Variants in RGS17 observed in about 807,000 individuals in gnomAD.
The protein encoded by RGS17 is regulator of G protein signaling 17, also known as regulator of G-protein signaling 17.
In RGS17, 12 loss-of-function variants were observed where a neutral mutation model predicts 25.5. The observed-to-expected ratio is 0.47, with a 90% CI of 0.30 to 0.76. The LOEUF is 0.76. Ranked by LOEUF, RGS17 falls within the 30% of genes least tolerant of loss-of-function variation. The pLI, the probability that RGS17 is intolerant of heterozygous loss-of-function variation, is 0.07. For missense variants in RGS17, 196 were observed against 242.2 expected, an observed-to-expected ratio of 0.81 and a Z score of 1.27; for synonymous variants, 71 against 76.9, an observed-to-expected ratio of 0.92 and a Z score of 0.40.
At chr6:153,056,237 A>G (rs1358382711) in intron 1 of RGS17, among the ~76,000 whole-genome samples, 1 of 152,234 alleles carries the variant, frequency 6.6e-6, no homozygotes, top group African/African-American at 2.4e-5. Flanking sequence ...GACTAAAAGG[A>G]GGAGAGTTAA....
Position 153,098,493 on chromosome 6 carries a change from G to A in RGS17, c.-26+32631C>T, listed in dbSNP as rs370824802. ...AATACCTGCTTTTGTTTGGCACTTT[G>A]CTTGTCTCCTTCTTATATCATTATT... On this transcript the variant is annotated intron_variant, in intron 1 of 4. Coordinates refer to ENST00000206262, the MANE Select transcript of RGS17 (RefSeq NM_012419.5). Among the ~76,000 whole-genome samples, 48 of 152,228 alleles carry A rather than the reference G, an allele frequency of 3.2e-4. 7 individuals are homozygous for A. Among genetic ancestry groups the A allele is most frequent in the Admixed American group, 2.1e-3 (32 of 15,302 alleles).
At chr6:153,057,776 G>A (rs917628768) in intron 1 of RGS17, among the ~76,000 whole-genome samples, 1 of 152,134 alleles carries the variant, frequency 6.6e-6, no homozygotes, top group Non-Finnish European at 1.5e-5. Context: ...GGGGTGTTGG[G>A]ACACGACAAC....
At chr6:153,032,007 AT>A (rs1779368687) in intron 2 of RGS17, among the ~76,000 whole-genome samples, 1 of 152,208 alleles carries the variant, frequency 6.6e-6, no homozygotes, top group African/African-American at 2.4e-5. Context: ...CCTGGGAAGT[AT>A]GACTTTCTTC....
intron 1 of RGS17, among the ~76,000 whole-genome samples, chr6:153,116,380 T>A (rs1777547704): frequency 6.6e-6 from 1 of 152,090 alleles, no homozygotes. Context: ...GAGATACCAT[T>A]TCACGCCAGT....
chr6:153,037,675 C>T (rs1388264562), intron 2 of RGS17, among the ~76,000 whole-genome samples: 3 of 152,034 alleles, frequency 2.0e-5, no homozygotes, highest in Non-Finnish European at 4.4e-5. Flanking sequence ...CCACCCACCT[C>T]GGCCTCCCAA....
In RGS17 at chr6:153,031,412, T is replaced by C. The variant is rs146261179; in HGVS notation, c.120-4869A>G. On this transcript the variant is annotated intron_variant, in intron 2 of 4. Transcript: ENST00000206262. ...AGCTTTTTATTTCCACCTGAGTAAA[T>C]AGAGACTTCTCCTTTGTCATTATTA... is the stretch of plus-strand genomic sequence containing the variant. 6.3e-4 allele frequency among the ~76,000 whole-genome samples: 96 copies of C among 152,336 alleles called. 1 individual carries two copies. Among genetic ancestry groups the C allele is most frequent in the South Asian group, 1.2e-3 (6 of 4,832 alleles).
At chr6:153,026,212 A>AT (rs904320850) in intron 3 of RGS17, among the ~76,000 whole-genome samples, 17 of 152,160 alleles carry the variant, frequency 1.1e-4, no homozygotes, top group East Asian at 3.9e-4. Context: ...GACAATCTTT[A>AT]TTTTTTTTAA....
chr6:153,099,142 C>T (rs1777259573), intron 1 of RGS17, among the ~76,000 whole-genome samples: 1 of 152,132 alleles, frequency 6.6e-6, no homozygotes, highest in Non-Finnish European at 1.5e-5. Context: ...CAGTAAGATA[C>T]ACAGACACTA....
chr6:153,098,918 G>C (rs181866249), intron 1 of RGS17, among the ~76,000 whole-genome samples: 1 of 152,082 alleles, frequency 6.6e-6, no homozygotes, highest in African/African-American at 2.4e-5. Context: ...AGAAGGAACC[G>C]ACAAAAATAC....
intron 3 of RGS17, among the ~76,000 whole-genome samples, chr6:153,025,416 A>G (rs933569511): frequency 6.6e-6 from 1 of 151,972 alleles, no homozygotes; most frequent in African/African-American, 2.4e-5. Flanking sequence ...AATGACACTG[A>G]CATTGGGGAA....
intron 4 of RGS17, among the ~76,000 whole-genome samples, chr6:153,019,254 G>A (rs900968746): frequency 3.9e-5 from 6 of 152,276 alleles, no homozygotes; most frequent in African/African-American, 1.2e-4. Context: ...TAACGACAAC[G>A]CCATCACTAG....
At chr6:153,026,091 A>G (rs1779298961) in intron 3 of RGS17, among the ~76,000 whole-genome samples, 1 of 152,188 alleles carries the variant, frequency 6.6e-6, no homozygotes. Flanking sequence ...TCACTTGGAC[A>G]TTCCATATCA....
At chr6:153,035,743 G>T (rs1776232011) in intron 2 of RGS17, among the ~76,000 whole-genome samples, 1 of 152,162 alleles carries the variant, frequency 6.6e-6, no homozygotes, top group Non-Finnish European at 1.5e-5. Context: ...TGCTTTGAAT[G>T]AGTCAGGAAG....
chr6:153,044,555 C>A (rs1249579072), intron 1 of RGS17, among the ~76,000 whole-genome samples: 1 of 152,160 alleles, frequency 6.6e-6, no homozygotes, highest in Non-Finnish European at 1.5e-5. Flanking sequence ...AACACAATAT[C>A]CTTTTTGGCA....
At chr6:153,124,917 G>A (rs949689423) in intron 1 of RGS17, among the ~76,000 whole-genome samples, 2 of 152,158 alleles carry the variant, frequency 1.3e-5, no homozygotes, top group Non-Finnish European at 2.9e-5. Context: ...CATAAAATCT[G>A]TAGATTACAT....
intron 4 of RGS17, chr6:153,023,475 T>G (rs561788310): frequency 5.8e-5 from 21 of 360,432 alleles, no homozygotes; most frequent in African/African-American, 4.0e-4. Context: ...TAACCACTCT[T>G]TCACCAAATG....
At chr6:153,022,866 A>C (rs1159257459) in intron 4 of RGS17, among the ~76,000 whole-genome samples, 1 of 152,198 alleles carries the variant, frequency 6.6e-6, no homozygotes, top group Non-Finnish European at 1.5e-5. Flanking sequence ...ATCAGTAACA[A>C]ATGTGTTGAG....
In RGS17 at chr6:153,076,164, T is replaced by A. The variant is rs6927659; in HGVS notation, c.-25-32121A>T. Among the ~76,000 whole-genome samples, 23 of 152,074 alleles carry A rather than the reference T, an allele frequency of 1.5e-4. No homozygotes were observed. The East Asian group carries it at 1.9e-3, about 13-fold the overall frequency. ...TTTAGGCAAATTTTAAACATTACAC[T>A]CTGTATATCCTTGGTTGGATATAAA... On this transcript the variant is annotated intron_variant, in intron 1 of 4. Transcript: ENST00000206262.
At chr6:153,012,520 A>G (rs1221136498) in intron 4 of RGS17, among the ~76,000 whole-genome samples, 1 of 152,202 alleles carries the variant, frequency 6.6e-6, no homozygotes, top group East Asian at 1.9e-4. Flanking sequence ...CCCCTTCCTC[A>G]CTAAATGCAA....
Sources: allele counts gnomAD v4.1 joint callset (sites outside exome capture counted in the v4.1 genomes callset), GRCh38; gene constraint gnomAD v4.1.1; transcripts MANE v1.5; gene names NCBI Gene and HGNC (gene_info 2026-07-23, HGNC 2026-07-21).